Variants in TCERG1L observed in about 807,000 individuals in gnomAD.
TCERG1L encodes transcription elongation regulator 1-like protein.
Under a neutral mutation model 56.3 loss-of-function variants are expected in TCERG1L, and 37 were observed. The observed-to-expected ratio is 0.66, with a 90% CI of 0.51 to 0.87. The LOEUF is 0.87. Among genes scored for constraint, TCERG1L ranks in the 40% least tolerant of loss-of-function variants. The pLI is 0.00. For synonymous variants in TCERG1L, 324 were observed against 326.3 expected (o/e 0.99, Z 0.08); for missense variants, 799 against 774.2 (o/e 1.03, Z -0.38).
chr10:131,120,872 G>A lies in TCERG1L; in HGVS notation c.1260-3938C>T, dbSNP rs972510950. Among the ~76,000 whole-genome samples the A allele has an allele frequency of 1.9e-4, 29 of 152,252 alleles. 1 individual carries two copies. In the Middle Eastern group the frequency reaches 0.017, roughly 89 times the overall value. On this transcript the variant is annotated intron_variant, in intron 8 of 11. Coordinates refer to ENST00000368642, the MANE Select transcript of TCERG1L (RefSeq NM_174937.4). ...CCCTCCCTCTCCAGCTTGCAGGTGC[G>A]GTGTGTCCACCCATACTGGGCACAG...
At chr10:131,302,809 GA>G (rs1328511509) in intron 3 of TCERG1L, among the ~76,000 whole-genome samples, 1 of 151,758 alleles carries the variant, frequency 6.6e-6, no homozygotes, top group Non-Finnish European at 1.5e-5. Context: ...CCTGGTGTGT[GA>G]TGTTCCCCTC....
At chr10:131,153,992 C>A (rs1191176914) in intron 6 of TCERG1L, among the ~76,000 whole-genome samples, 2 of 152,196 alleles carry the variant, frequency 1.3e-5, no homozygotes, top group African/African-American at 4.8e-5. Flanking sequence ...CACCCATCCA[C>A]TCGTTACGGT....
chr10:131,093,147 C>A lies in TCERG1L; in HGVS notation c.*15G>T. ...CCAGGGTCAACCCCCGGGCTTATTG[C>A]ATTTTTTCACAAACTCATCTCATTT... On this transcript the variant is annotated 3_prime_UTR_variant, in exon 12 of 12. Coordinates refer to ENST00000368642, the MANE Select transcript of TCERG1L (RefSeq NM_174937.4). 1.2e-6 allele frequency: 2 copies of A among 1,611,594 alleles called. No individual in the cohort carries two copies. The highest frequency in any genetic ancestry group is 1.7e-6 in the Non-Finnish European group (2 of 1,178,756).
intron 7 of TCERG1L, among the ~76,000 whole-genome samples, chr10:131,136,000 C>T (rs1192804265): frequency 3.9e-5 from 6 of 152,200 alleles, no homozygotes; most frequent in African/African-American, 7.2e-5. Flanking sequence ...CCCTGGGGGC[C>T]GCCCTGTGCC....
At chr10:131,199,431 C>T (rs150121906) in intron 4 of TCERG1L, among the ~76,000 whole-genome samples, 17 of 152,302 alleles carry the variant, frequency 1.1e-4, no homozygotes, top group African/African-American at 4.1e-4. Context: ...TGTCCTAGTT[C>T]ACTGCTCGCA....
At chr10:131,153,723 C>T (rs569274698) in intron 6 of TCERG1L, among the ~76,000 whole-genome samples, 1 of 152,320 alleles carries the variant, frequency 6.6e-6, no homozygotes, top group Non-Finnish European at 1.5e-5. Flanking sequence ...CTGGGAGCAG[C>T]CAGCACCCTG....
At chr10:131,158,643 C>A (rs1564803961) in intron 6 of TCERG1L, among the ~76,000 whole-genome samples, 1 of 151,982 alleles carries the variant, frequency 6.6e-6, no homozygotes, top group Non-Finnish European at 1.5e-5. Context: ...CTTCTAGAAG[C>A]CAAGTTTCCT....
At chr10:131,230,356 T>C (rs1845835898) in intron 4 of TCERG1L, among the ~76,000 whole-genome samples, 1 of 152,324 alleles carries the variant, frequency 6.6e-6, no homozygotes, top group South Asian at 2.1e-4. Flanking sequence ...AGCTTTCCCG[T>C]GGCCCCTTCC....
At chr10:131,147,952 G>T (rs1845817565) in intron 6 of TCERG1L, among the ~76,000 whole-genome samples, 1 of 152,214 alleles carries the variant, frequency 6.6e-6, no homozygotes, top group Admixed American at 6.5e-5. Flanking sequence ...GGGCCAGGCA[G>T]AGGGCTCAGG....
chr10:131,139,730 G>C (rs1035560098), intron 7 of TCERG1L, among the ~76,000 whole-genome samples: 2 of 151,594 alleles, frequency 1.3e-5, no homozygotes, highest in Non-Finnish European at 2.9e-5. Flanking sequence ...ATGTGTGCCT[G>C]TGTATGTGTC....
intron 8 of TCERG1L, among the ~76,000 whole-genome samples, chr10:131,130,408 G>C (rs1845605812): frequency 6.6e-6 from 1 of 152,204 alleles, no homozygotes; most frequent in Non-Finnish European, 1.5e-5. Flanking sequence ...TACAATTCCA[G>C]ATGAGGGTTA....
chr10:131,240,246 G>A (rs1196675872), intron 4 of TCERG1L, among the ~76,000 whole-genome samples: 1 of 152,192 alleles, frequency 6.6e-6, no homozygotes, highest in African/African-American at 2.4e-5. Flanking sequence ...CTTGGCAGCT[G>A]AGCATCAGAT....
At chr10:131,198,427 C>T (rs12356041) in intron 4 of TCERG1L, among the ~76,000 whole-genome samples, 5,239 of 152,328 alleles carry the variant, frequency 0.034, 244 homozygotes, top group East Asian at 0.22. Context: ...GTCTGGCCCA[C>T]GCCTTCCTTT....
At chr10:131,141,755 C>T (rs754062499) in intron 7 of TCERG1L, among the ~76,000 whole-genome samples, 28 of 152,026 alleles carry the variant, frequency 1.8e-4, no homozygotes, top group Non-Finnish European at 3.2e-4. Flanking sequence ...GAAACTACTC[C>T]GAAAAACGCT....
At chr10:131,207,650 A>G (rs748264) in intron 4 of TCERG1L, among the ~76,000 whole-genome samples, 7,614 of 152,170 alleles carry the variant, frequency 0.05, 257 homozygotes, top group African/African-American at 0.082. Flanking sequence ...GAGGCCTCAT[A>G]CAGATTGGGA....
chr10:131,288,200 A>G lies in TCERG1L; in HGVS notation c.670+20011T>C, dbSNP rs549852897. ...AATCAGTCTGTTCTTACATAACACA[A>G]AAGAAGTGTTTCTCCCCCCAACTCT... On this transcript the variant is annotated intron_variant, in intron 3 of 11. Coordinates refer to ENST00000368642, the MANE Select transcript of TCERG1L (RefSeq NM_174937.4). Among the ~76,000 whole-genome samples, 20 of 152,148 alleles carry G rather than the reference A, an allele frequency of 1.3e-4. No homozygotes were observed. In the South Asian group the frequency reaches 3.3e-3, roughly 25 times the overall value.
At chr10:131,126,462 G>A (rs1262076321) in intron 8 of TCERG1L, among the ~76,000 whole-genome samples, 1 of 152,156 alleles carries the variant, frequency 6.6e-6, no homozygotes, top group African/African-American at 2.4e-5. Context: ...TGGTGGCCTC[G>A]TTCTGGCTGG....
At chr10:131,257,022 A>AAAGAAAGG (rs1846178396) in intron 4 of TCERG1L, among the ~76,000 whole-genome samples, 1 of 148,198 alleles carries the variant, frequency 6.7e-6, no homozygotes, top group Non-Finnish European at 1.5e-5. Flanking sequence ...AGAAAGAAAG[A>AAAGAAAGG]AAGAAAGAAA....
intron 3 of TCERG1L, among the ~76,000 whole-genome samples, chr10:131,274,642 G>A (rs1208596149): frequency 6.6e-6 from 1 of 152,170 alleles, no homozygotes; most frequent in Non-Finnish European, 1.5e-5. Context: ...GCTGCTGCAT[G>A]GCTTGTTCAT....
Sources: allele counts gnomAD v4.1 joint callset (sites outside exome capture counted in the v4.1 genomes callset), GRCh38; gene constraint gnomAD v4.1.1; transcripts MANE v1.5; gene names NCBI Gene and HGNC (gene_info 2026-07-23, HGNC 2026-07-21).